CASK: variants seen among roughly 807,000 people sequenced by gnomAD.
CASK encodes calcium/calmodulin dependent serine protein kinase, also known as peripheral plasma membrane protein CASK.
Under a neutral mutation model 82.9 loss-of-function variants are expected in CASK, and 4 were observed. The ratio of observed to expected loss-of-function variants is 0.05; its 90% CI spans 0.02 to 0.11. CASK has a LOEUF of 0.11. Among genes scored for constraint, CASK ranks in the 10% least tolerant of loss-of-function variants. CASK has a pLI of 1.00. For missense variants in CASK, 358 were observed against 720.9 expected, an observed-to-expected ratio of 0.50 and a Z score of 5.76; for synonymous variants, 259 against 253.5, an observed-to-expected ratio of 1.02 and a Z score of -0.20.
intron 5 of CASK, among the ~76,000 whole-genome samples, chrX:41,680,378 A>G (rs1040770258): frequency 5.5e-5 from 6 of 109,556 alleles, no homozygotes; most frequent in African/African-American, 2.0e-4. Flanking sequence ...GCTACTCAGG[A>G]GGCTGAGGCA....
chrX:41,549,998 A>G (rs2065074336), intron 21 of CASK, among the ~76,000 whole-genome samples: 1 of 106,847 alleles, frequency 9.4e-6, no homozygotes, highest in Non-Finnish European at 1.9e-5. Flanking sequence ...TGTCTCTACT[A>G]AAAACACAAA....
At chrX:41,674,180 T>G (rs1356294305) in intron 5 of CASK, among the ~76,000 whole-genome samples, 2 of 109,828 alleles carry the variant, frequency 1.8e-5, no homozygotes, top group Non-Finnish European at 3.8e-5. Flanking sequence ...AAGGAGAGAT[T>G]TGCTGCAGTA....
At chrX:41,563,040 C>CAAAAAAAAAAAAAAAAA (rs141364032) in intron 16 of CASK, among the ~76,000 whole-genome samples, 2 of 22,195 alleles carry the variant, frequency 9.0e-5, no homozygotes, top group Non-Finnish European at 1.4e-4. Flanking sequence ...GACTCCATCT[C>CAAAAAAAAAAAAAAAAA]AAAAAAAAAA....
In CASK at chrX:41,772,403, GAAT is replaced by G. The variant is rs542631445; in HGVS notation, c.278+14772_278+14774del. Among the ~76,000 whole-genome samples, 14 of 81,873 alleles carry G rather than the reference GAAT, an allele frequency of 1.7e-4. 1 individual carries two copies. In the East Asian group the frequency reaches 4.1e-3, roughly 24 times the overall value. The allele number at this position is 81,873 out of a possible 115,157, so 71.1% of individuals were successfully genotyped here. ...CAAAGCTACAAGTTGTCACTGAAAA[GAAT>G]AATAAAACTGGTAAATGTCTGGCAA... On this transcript the variant is annotated intron_variant, in intron 3 of 26. Coordinates refer to ENST00000378163, the MANE Select transcript of CASK (RefSeq NM_001367721.1).
intron 3 of CASK, among the ~76,000 whole-genome samples, chrX:41,784,268 G>A (rs1367010019): frequency 1.8e-5 from 2 of 111,677 alleles, no homozygotes; most frequent in Non-Finnish European, 3.8e-5. Flanking sequence ...CTGAGGGAGG[G>A]AGAGACCTTT....
chrX:41,696,578 C>T (rs1418220929), intron 5 of CASK: 4 of 1,207,138 alleles, frequency 3.3e-6, no homozygotes, highest in Non-Finnish European at 3.4e-6. Flanking sequence ...TGCTGGTTCT[C>T]TCATCTTTCA....
chrX:41,834,432 A>G (rs1478355542), intron 2 of CASK, among the ~76,000 whole-genome samples: 3 of 112,074 alleles, frequency 2.7e-5, no homozygotes, highest in Non-Finnish European at 5.6e-5. Flanking sequence ...TGGTTCCCTT[A>G]AAACTATTCG....
At chrX:41,860,526 T>A (rs976967398) in intron 1 of CASK, among the ~76,000 whole-genome samples, 3 of 112,267 alleles carry the variant, frequency 2.7e-5, no homozygotes, top group African/African-American at 9.7e-5. Context: ...CATCAATAAA[T>A]CCTTTCCTTG....
chrX:41,760,152 G>T lies in CASK; in HGVS notation c.279-14551C>A, dbSNP rs1339021586. Among the ~76,000 whole-genome samples the T allele has an allele frequency of 2.7e-5, 3 of 112,252 alleles. 1 individual carries two copies. The East Asian group carries it at 8.4e-4, about 31-fold the overall frequency. ...CAGAAAAAAAGCAAGGCAGATAAGA[G>T]CAATAGCCCCTATTCTGTTCTAGCT... On this transcript the variant is annotated intron_variant, in intron 3 of 26. Transcript: ENST00000378163.
chrX:41,741,008 A>G (rs755866081), intron 4 of CASK, among the ~76,000 whole-genome samples: 203 of 111,372 alleles, frequency 1.8e-3, no homozygotes, highest in African/African-American at 5.4e-3. Flanking sequence ...TCAGCCTCCC[A>G]AGTAGCTGGG....
chrX:41,762,288 T>A (rs1206256439), intron 3 of CASK, among the ~76,000 whole-genome samples: 2 of 112,086 alleles, frequency 1.8e-5, no homozygotes, highest in Non-Finnish European at 3.8e-5. Flanking sequence ...GTGTTGTGAT[T>A]ATCAGAGTAC....
chrX:41,684,815 T>C (rs968949784), intron 5 of CASK, among the ~76,000 whole-genome samples: 1 of 112,112 alleles, frequency 8.9e-6, no homozygotes, highest in South Asian at 3.7e-4. Context: ...ATTTTTGTTA[T>C]AAAGGATATT....
At chrX:41,899,131 T>C (rs777741430) in intron 1 of CASK, among the ~76,000 whole-genome samples, 32 of 111,897 alleles carry the variant, frequency 2.9e-4, no homozygotes, top group Admixed American at 6.6e-4. Flanking sequence ...AATTGTTGTA[T>C]CGTCTGGATG....
intron 5 of CASK, among the ~76,000 whole-genome samples, chrX:41,708,537 T>C (rs2067921296): frequency 8.9e-6 from 1 of 112,091 alleles, no homozygotes; most frequent in Admixed American, 9.5e-5. Flanking sequence ...TAAGGGCAGA[T>C]GAGTGGCACC....
At chrX:41,718,342 C>T (rs943572256) in intron 5 of CASK, among the ~76,000 whole-genome samples, 1 of 112,775 alleles carries the variant, frequency 8.9e-6, no homozygotes. Flanking sequence ...TTAATTGGAC[C>T]CAAAGAGGGG....
At chrX:41,773,064 T>C (rs1386057427) in intron 3 of CASK, among the ~76,000 whole-genome samples, 2 of 110,963 alleles carry the variant, frequency 1.8e-5, no homozygotes, top group Non-Finnish European at 3.8e-5. Context: ...CATTCCCCAA[T>C]TCATTTTATG....
At chrX:41,604,901 A>C (rs2065938543) in intron 12 of CASK, among the ~76,000 whole-genome samples, 1 of 112,085 alleles carries the variant, frequency 8.9e-6, no homozygotes, top group Non-Finnish European at 1.9e-5. Context: ...AATGTGTTTT[A>C]CTCAAATTCA....
chrX:41,555,698 T>C, intron 19 of CASK, 63 bp from the exon 20 acceptor site: 1 of 839,217 alleles, frequency 1.2e-6, no homozygotes, highest in South Asian at 2.1e-5. Flanking sequence ...ACAAAGTAAT[T>C]TGTGTGTTCT....
chrX:41,670,830 T>C (rs2067187248), intron 6 of CASK, among the ~76,000 whole-genome samples: 1 of 112,195 alleles, frequency 8.9e-6, no homozygotes, highest in African/African-American at 3.2e-5. Context: ...TACTGCTTGA[T>C]GTTCTAGCTA....
Sources: allele counts gnomAD v4.1 joint callset (sites outside exome capture counted in the v4.1 genomes callset), GRCh38; gene constraint gnomAD v4.1.1; transcripts MANE v1.5; gene names NCBI Gene and HGNC (gene_info 2026-07-23, HGNC 2026-07-21).